The following ZFYVE9 variants were observed in gnomAD, a reference collection of about 807,000 sequenced individuals.
ZFYVE9 encodes the protein zinc finger FYVE domain-containing protein 9.
Under a neutral mutation model 126.7 loss-of-function variants are expected in ZFYVE9, and 43 were observed. The observed-to-expected ratio is 0.34, with a 90% CI of 0.27 to 0.44. The LOEUF (loss-of-function observed/expected upper bound fraction) is 0.44, where lower values mean the gene tolerates loss of function less well. Ranked by LOEUF, ZFYVE9 falls within the 20% of genes least tolerant of loss-of-function variation. The probability of loss-of-function intolerance (pLI) is 1.00; values close to 1 mark genes in which losing one functional copy is unlikely to be tolerated. For synonymous variants in ZFYVE9, 521 were observed against 597.4 expected (o/e 0.87, Z 1.87); for missense variants, 1,476 against 1,697.0 (o/e 0.87, Z 2.29).
chr1:52,232,396 G>T (rs1049116622), intron 2 of ZFYVE9, among the ~76,000 whole-genome samples: 2 of 152,132 alleles, frequency 1.3e-5, no homozygotes, highest in East Asian at 1.9e-4. Flanking sequence ...TAACATTAAA[G>T]AAATGGTTTA....
chr1:52,164,145 G>T lies in ZFYVE9; in HGVS notation c.-143+21742G>T, dbSNP rs1433709986. Among the ~76,000 whole-genome samples the T allele has an allele frequency of 2.7e-5, 4 of 150,778 alleles. No individual in the cohort carries two copies. The South Asian group carries it at 6.3e-4, about 24-fold the overall frequency. On this transcript the variant is annotated intron_variant, in intron 1 of 18. Transcript: ENST00000287727. ...TTTTTTTTTTTTTTTTGTAGAGACG[G>T]GTTTTCACCATGTTGCCCAGACTGA...
intron 17 of ZFYVE9, among the ~76,000 whole-genome samples, chr1:52,340,702 C>A (rs1646427049): frequency 6.6e-6 from 1 of 151,746 alleles, no homozygotes; most frequent in African/African-American, 2.4e-5. Flanking sequence ...GAATTCAAGA[C>A]CAGCCTGGGT....
intron 3 of ZFYVE9, among the ~76,000 whole-genome samples, 186 bp from the exon 4 acceptor site, chr1:52,237,302 C>G (rs1406303013): frequency 6.6e-6 from 1 of 152,022 alleles, no homozygotes; most frequent in Non-Finnish European, 1.5e-5. Context: ...GAGATATTAC[C>G]ATTTGGTGAC....
At chr1:52,270,424 C>T (rs1302591527) in intron 7 of ZFYVE9, among the ~76,000 whole-genome samples, 2 of 152,078 alleles carry the variant, frequency 1.3e-5, no homozygotes, top group Non-Finnish European at 2.9e-5. Flanking sequence ...CCACCATGCC[C>T]AGCTAATTTT....
chr1:52,191,787 G>T (rs903748183), intron 1 of ZFYVE9, among the ~76,000 whole-genome samples: 1 of 152,266 alleles, frequency 6.6e-6, no homozygotes, highest in South Asian at 2.1e-4. Flanking sequence ...ATCACCAAGA[G>T]TGATATCCTG....
At position 52,188,496 on chromosome 1, in the gene ZFYVE9, A is replaced by T. The variant is rs79801593; in HGVS notation, c.-142-27873A>T. 9.3e-3 allele frequency among the ~76,000 whole-genome samples: 1,413 copies of T among 152,348 alleles called. 31 individuals carry two copies. Among genetic ancestry groups the T allele is most frequent in the African/African-American group, 0.032 (1,343 of 41,574 alleles). On this transcript the variant is annotated intron_variant, in intron 1 of 18. Coordinates refer to ENST00000287727, the MANE Select transcript of ZFYVE9 (RefSeq NM_004799.4). Reference sequence around the variant, plus strand: ...CTAAAATATAAGTTAAAAAATTTTTAAAATAAAATTGCCTAGTTTATCCAA... The same window carrying T: ...CTAAAATATAAGTTAAAAAATTTTTTAAATAAAATTGCCTAGTTTATCCAA...
At chr1:52,187,082 A>G (rs1029982420) in intron 1 of ZFYVE9, among the ~76,000 whole-genome samples, 2 of 152,200 alleles carry the variant, frequency 1.3e-5, no homozygotes, top group African/African-American at 2.4e-5. Context: ...ACAGTGCTAC[A>G]GTAACCAAAA....
At chr1:52,343,393 C>T (rs1418166732) in intron 17 of ZFYVE9, among the ~76,000 whole-genome samples, 2 of 151,962 alleles carry the variant, frequency 1.3e-5, no homozygotes, top group Non-Finnish European at 2.9e-5. Flanking sequence ...CTGCAGTGAG[C>T]CGAGATCGTG....
chr1:52,342,931 G>A (rs1219883086), intron 17 of ZFYVE9, among the ~76,000 whole-genome samples: 1 of 150,556 alleles, frequency 6.6e-6, no homozygotes. Flanking sequence ...TTTTGAGACG[G>A]AGTCTCACTC....
chr1:52,238,288 G>A lies in ZFYVE9; in HGVS notation c.871G>A (p.Glu291Lys). 1 of 1,613,916 alleles carries A rather than the reference G, an allele frequency of 6.2e-7. No homozygotes were observed. Among genetic ancestry groups the A allele is most frequent in the Non-Finnish European group, 8.5e-7 (1 of 1,179,970 alleles). The change falls in exon 4 of 19, where the codon GAG (glutamate) becomes AAG (lysine). Residue 291 changes from glutamate (E) to lysine (K), a missense_variant. Coordinates refer to ENST00000287727, the MANE Select transcript of ZFYVE9 (RefSeq NM_004799.4). The stretch of plus-strand genomic sequence containing the variant: ...AAAGCAAGAGAACTATATACCAGAT[G>A]AGGACCTCACTGGCAAAATCAGCTC... The part of the protein sequence containing the change: ...VKKQENYIPD[E>K]DLTGKISSPR...
At chr1:52,215,023 T>G (rs2124592790) in intron 1 of ZFYVE9, among the ~76,000 whole-genome samples, 1 of 152,332 alleles carries the variant, frequency 6.6e-6, no homozygotes, top group East Asian at 1.9e-4. Context: ...GAAATAGTAT[T>G]TAATTTGAGT....
At position 52,142,965 on chromosome 1, in the gene ZFYVE9, T is replaced by C. The variant is rs765742315; in HGVS notation, c.-143+562T>C. On this transcript the variant is annotated intron_variant, in intron 1 of 18. Transcript: ENST00000287727. The surrounding 1 kb of genome is among the most constrained non-coding windows in gnomAD (Gnocchi z 4.5). ...CTCGAGAACAACCTTTTGCGTCTTA[T>C]TTGAGGTGAAATTTCATCACCTGCC... 1.6e-4 allele frequency among the ~76,000 whole-genome samples: 25 copies of C among 152,284 alleles called. No homozygotes were observed. Among genetic ancestry groups the C allele is most frequent in the Non-Finnish European group, 1.5e-4 (10 of 68,022 alleles).
intron 5 of ZFYVE9, among the ~76,000 whole-genome samples, chr1:52,266,367 G>T (rs1645633166): frequency 7.1e-6 from 1 of 139,910 alleles, no homozygotes; most frequent in Non-Finnish European, 1.5e-5. Flanking sequence ...AAAGTGCCGG[G>T]ATTAGAAGCA....
At chr1:52,253,691 A>G (rs1194469098) in intron 4 of ZFYVE9, 1 of 1,602,948 alleles carries the variant, frequency 6.2e-7, no homozygotes, top group African/African-American at 1.3e-5. Context: ...ACAGTACGGG[A>G]AATTGGGTCA....
intron 4 of ZFYVE9, among the ~76,000 whole-genome samples, chr1:52,250,193 C>G (rs111881472): frequency 2.0e-5 from 3 of 152,160 alleles, no homozygotes; most frequent in African/African-American, 7.2e-5. Context: ...ATCTGTAGAT[C>G]ACTATGGGCA....
Position 52,332,917 on chromosome 1 carries a change from AG to A in ZFYVE9, c.3589+1del. The A allele has an allele frequency of 6.2e-7, 1 of 1,614,094 alleles. No homozygotes were observed. Among genetic ancestry groups the A allele is most frequent in the Non-Finnish European group, 8.5e-7 (1 of 1,179,978 alleles). ...TCAGTATTCACAATCAGCCCAGAAAAGGTGAGCATTTGAGCTGGTTGAGATT... is the reference window on the plus strand; with the variant it reads ...TCAGTATTCACAATCAGCCCAGAAAAGTGAGCATTTGAGCTGGTTGAGATT... ...AISIHNQPRKVTGASFFVFSG... is the reference protein window; with the variant it reads ...AISIHNQPRKXTGASFFVFSG... On this transcript the variant is annotated frameshift_variant and splice_region_variant, in exon 14 of 19. Transcript: ENST00000287727. LOFTEE classifies it high-confidence loss of function.
intron 13 of ZFYVE9, among the ~76,000 whole-genome samples, chr1:52,316,165 CAAAAAA>C (rs367815611): frequency 4.6e-4 from 18 of 39,218 alleles, no homozygotes; most frequent in African/African-American, 1.4e-3. Flanking sequence ...AACTCCATCT[CAAAAAA>C]AAAAAAAAAA....
intron 13 of ZFYVE9, among the ~76,000 whole-genome samples, chr1:52,324,285 A>G (rs944999669): frequency 2.0e-5 from 3 of 148,440 alleles, no homozygotes; most frequent in Non-Finnish European, 4.4e-5. Flanking sequence ...AAACAAAAAC[A>G]AAAACAAAAC....
chr1:52,327,242 A>T (rs1404951794), intron 13 of ZFYVE9, among the ~76,000 whole-genome samples: 1 of 152,190 alleles, frequency 6.6e-6, no homozygotes. Context: ...TATAAAAAGT[A>T]CAGAGAATGT....
Sources: gnomAD v4.1 joint callset for allele counts (sites outside exome capture counted in the v4.1 genomes callset) on GRCh38, gnomAD v4.1.1 for gene constraint, Gnocchi (gnomAD v3.1) non-coding constraint, MANE v1.5 for transcripts, NCBI Gene and HGNC (gene_info 2026-07-23, HGNC 2026-07-21) for gene names.